The following ARPC5 variants were observed in gnomAD, a reference collection of about 807,000 sequenced individuals.
The protein encoded by ARPC5 is actin related protein 2/3 complex subunit 5, also known as actin-related protein 2/3 complex subunit 5.
ARPC5 carries 5 observed loss-of-function variants against 15.4 expected under a neutral mutation model. That is an observed-to-expected ratio of 0.32 (90% CI 0.17 to 0.68). The LOEUF (loss-of-function observed/expected upper bound fraction) is 0.68, where lower values mean the gene tolerates loss of function less well. ARPC5 is among the 30% of genes least tolerant of loss of function. The pLI is 0.71. For missense variants in ARPC5, 138 were observed against 192.8 expected, an observed-to-expected ratio of 0.72 and a Z score of 1.68; for synonymous variants, 85 against 72.2, an observed-to-expected ratio of 1.18 and a Z score of -0.90.
chr1:183,622,304 G>C lies in ARPC5; in HGVS notation c.*5228C>G, dbSNP rs78917379. ...ATTGAACAATATGAACAAATTATTTGAAAACGAATAAAAACTAAAATGAAT... is the reference window on the plus strand; with the variant it reads ...ATTGAACAATATGAACAAATTATTTCAAAACGAATAAAAACTAAAATGAAT... On this transcript the variant is annotated 3_prime_UTR_variant, in exon 4 of 4. Coordinates refer to ENST00000359856, the MANE Select transcript of ARPC5 (RefSeq NM_005717.4). The C allele has an allele frequency of 6.6e-6, 1 of 152,120 alleles. No individual in the cohort carries two copies. The highest frequency in any genetic ancestry group is 2.1e-4 in the South Asian group (1 of 4,834). 9.4% of individuals were successfully genotyped at this position (152,120 alleles called of 1,614,324 possible). A position where few individuals can be genotyped will look rare whatever the true frequency, so the allele number is the denominator to read the frequency against.
intron 1 of ARPC5, chr1:183,633,715 C>T (rs903590886): frequency 6.6e-6 from 1 of 152,040 alleles, no homozygotes; most frequent in Non-Finnish European, 1.5e-5. Context: ...TTCATATGTC[C>T]CTTAGGTGGC....
In ARPC5 at chr1:183,630,999, C is replaced by T. The variant is rs149754492; in HGVS notation, c.217-362G>A. 751 of 170,784 alleles carry T rather than the reference C, an allele frequency of 4.4e-3. 9 individuals carry two copies. The highest frequency in any genetic ancestry group is 7.1e-3 in the Non-Finnish European group (572 of 80,724). The allele number at this position is 170,784 out of a possible 1,614,324, so 10.6% of individuals were successfully genotyped here. A position where few individuals can be genotyped will look rare whatever the true frequency, so the allele number is the denominator to read the frequency against. ...CATTGGAAGGTTTTAAGAGCAGTGC[C>T]ATAATCTGACTCACATTTTAACAGG... On this transcript the variant is annotated intron_variant, in intron 2 of 3. Transcript: ENST00000359856.
Position 183,621,174 on chromosome 1 carries a change from T to C in ARPC5, c.*6358A>G, listed in dbSNP as rs1180541222. ...GGTAAAGGGGTGGGAAAACATGCAT[T>C]CTTCTACACGGCTGGAGAAAGTATA... is the stretch of plus-strand genomic sequence containing the variant. On this transcript the variant is annotated 3_prime_UTR_variant, in exon 4 of 4. Transcript: ENST00000359856. 2 of 152,172 alleles carry C rather than the reference T, an allele frequency of 1.3e-5. No individual in the cohort carries two copies. The highest frequency in any genetic ancestry group is 2.1e-4 in the South Asian group (1 of 4,830). The allele number at this position is 152,172 out of a possible 1,614,324, so 9.4% of individuals were successfully genotyped here.
At chr1:183,628,172 CAA>C (rs3068220) in intron 3 of ARPC5, among the ~76,000 whole-genome samples, 4,341 of 44,508 alleles carry the variant, frequency 0.098, 24 homozygotes, top group Admixed American at 0.14. Flanking sequence ...GACTCCGTCT[CAA>C]AAAAAAAAAA....
chr1:183,630,414 C>T, intron 3 of ARPC5, 47 bp downstream of exon 3: 1 of 1,422,130 alleles, frequency 7.0e-7, no homozygotes, highest in South Asian at 1.5e-5. Context: ...ATTGTCATTC[C>T]CTATTGTAAA....
rs1468131584 is a variant in ARPC5, at chr1:183,622,290, T to C, written c.*5242A>G. 7.2e-5 allele frequency: 11 copies of C among 152,314 alleles called. No homozygotes were observed. In the East Asian group the frequency reaches 1.9e-3, roughly 27 times the overall value. 9.4% of individuals were successfully genotyped at this position (152,314 alleles called of 1,614,324 possible). A position where few individuals can be genotyped will look rare whatever the true frequency, so the allele number is the denominator to read the frequency against. On this transcript the variant is annotated 3_prime_UTR_variant, in exon 4 of 4. Transcript: ENST00000359856. ...CTTACCTTTTGAATATTGAACAATA[T>C]GAACAAATTATTTGAAAACGAATAA...
intron 3 of ARPC5, among the ~76,000 whole-genome samples, chr1:183,629,853 G>C (rs79519767): frequency 0.079 from 12,022 of 152,096 alleles, 920 homozygotes; most frequent in African/African-American, 0.2. Flanking sequence ...CCACTCCAAG[G>C]AGGAACTCTG....
chr1:183,625,373 A>AG lies in ARPC5; in HGVS notation c.*2158dup, dbSNP rs1649067219. On this transcript the variant is annotated 3_prime_UTR_variant, in exon 4 of 4. Coordinates refer to ENST00000359856, the MANE Select transcript of ARPC5 (RefSeq NM_005717.4). The stretch of plus-strand genomic sequence containing the variant: ...AGTATCTCCCCTCAGTAAAGCTGAT[A>AG]GACTGGCAGATTCTAAATACACCCA... 6.6e-6 allele frequency: 1 copy of AG among 152,256 alleles called. No homozygotes were observed. Among genetic ancestry groups the AG allele is most frequent in the Admixed American group, 6.5e-5 (1 of 15,286 alleles). 9.4% of individuals were successfully genotyped at this position (152,256 alleles called of 1,614,324 possible).
At chr1:183,633,963 C>A (rs1390056697) in intron 1 of ARPC5, 2 of 152,168 alleles carry the variant, frequency 1.3e-5, no homozygotes, top group African/African-American at 2.4e-5. Flanking sequence ...TCTTTCCTGG[C>A]TGTATGTAAC....
At chr1:183,631,411 C>G (rs1374779788) in intron 2 of ARPC5, 1 of 151,784 alleles carries the variant, frequency 6.6e-6, no homozygotes, top group Admixed American at 6.6e-5. Context: ...AAAACCCTGT[C>G]TCTACTAAAA....
At chr1:183,628,202 A>AAAAT (rs1649168386) in intron 3 of ARPC5, among the ~76,000 whole-genome samples, 2 of 147,134 alleles carry the variant, frequency 1.4e-5, no homozygotes, top group Non-Finnish European at 3.0e-5. Context: ...AAAAAAAAAA[A>AAAAT]TCTGCAGCAT....
At chr1:183,633,960 T>C (rs1332188959) in intron 1 of ARPC5, 1 of 152,218 alleles carries the variant, frequency 6.6e-6, no homozygotes, top group East Asian at 1.9e-4. Flanking sequence ...CTGTCTTTCC[T>C]GGCTGTATGT....
intron 1 of ARPC5, among the ~76,000 whole-genome samples, chr1:183,635,257 A>C (rs1180798995): frequency 6.6e-6 from 1 of 152,180 alleles, no homozygotes; most frequent in Non-Finnish European, 1.5e-5. Context: ...GTGCAACCTG[A>C]GGAATCTGGG....
chr1:183,630,666 T>C (rs750605537), intron 2 of ARPC5, 29 bp from the exon 3 acceptor site: 27 of 1,593,324 alleles, frequency 1.7e-5, no homozygotes, highest in Non-Finnish European at 2.3e-5. Context: ...ACAGAACATT[T>C]AGACATATCT....
In ARPC5 at chr1:183,627,278, G is replaced by T; in HGVS notation, c.*254C>A. ...TTGAATGTAAATTATACTATATACAGATTGGTATAAACATCACTGAAATGG... is the reference window on the plus strand; with the variant it reads ...TTGAATGTAAATTATACTATATACATATTGGTATAAACATCACTGAAATGG... On this transcript the variant is annotated 3_prime_UTR_variant, in exon 4 of 4. Coordinates refer to ENST00000359856, the MANE Select transcript of ARPC5 (RefSeq NM_005717.4). The T allele has an allele frequency of 2.0e-6, 1 of 494,016 alleles. No individual in the cohort carries two copies. The highest frequency in any genetic ancestry group is 3.7e-6 in the Non-Finnish European group (1 of 269,358). 30.6% of individuals were successfully genotyped at this position (494,016 alleles called of 1,614,324 possible). A position where few individuals can be genotyped will look rare whatever the true frequency, so the allele number is the denominator to read the frequency against.
At chr1:183,633,042 G>T in intron 2 of ARPC5, 40 bp downstream of exon 2, 1 of 1,418,934 alleles carries the variant, frequency 7.0e-7, no homozygotes, top group Non-Finnish European at 9.7e-7. Context: ...CTAAGAATAA[G>T]ATATCAGCAG....
At chr1:183,628,927 G>A (rs1649187380) in intron 3 of ARPC5, among the ~76,000 whole-genome samples, 1 of 152,222 alleles carries the variant, frequency 6.6e-6, no homozygotes, top group Non-Finnish European at 1.5e-5. Flanking sequence ...CATTTTGATG[G>A]CTGGGTGGAG....
At position 183,630,451 on chromosome 1, in the gene ARPC5, C is replaced by T. The variant is rs188474705; in HGVS notation, c.393+10G>A. 6 of 1,588,088 alleles carry T rather than the reference C, an allele frequency of 3.8e-6. No individual in the cohort carries two copies. Among genetic ancestry groups the T allele is most frequent in the Non-Finnish European group, 8.6e-7 (1 of 1,166,030 alleles). On this transcript the variant is annotated intron_variant, in intron 3 of 3. Transcript: ENST00000359856. Reference sequence around the variant, plus strand: ...GAACCAGTCATATAGATTTATAATTCATAACTTACCTTTTCATGCCATTGC... The same window carrying T: ...GAACCAGTCATATAGATTTATAATTTATAACTTACCTTTTCATGCCATTGC...
chr1:183,635,426 G>T, intron 1 of ARPC5, 91 bp downstream of exon 1: 3 of 1,431,544 alleles, frequency 2.1e-6, no homozygotes, highest in African/African-American at 1.4e-5. Flanking sequence ...GCTCCGCGCC[G>T]GTGCCCCGCG....
Sources: allele counts gnomAD v4.1 joint callset (sites outside exome capture counted in the v4.1 genomes callset), GRCh38; gene constraint gnomAD v4.1.1; transcripts MANE v1.5; gene names NCBI Gene and HGNC (gene_info 2026-07-23, HGNC 2026-07-21).